The following UPF2 variants were observed in gnomAD, a reference collection of about 807,000 sequenced individuals.
UPF2 encodes the protein UPF2 regulator of nonsense mediated mRNA decay.
Under a neutral mutation model 141.4 loss-of-function variants are expected in UPF2, and 17 were observed. That is an observed-to-expected ratio of 0.12 (90% CI 0.08 to 0.18). The LOEUF is 0.18. Among genes scored for constraint, UPF2 ranks in the 10% least tolerant of loss-of-function variants. UPF2 has a pLI of 1.00. For synonymous variants in UPF2, 540 were observed against 498.0 expected (o/e 1.08, Z -1.12); for missense variants, 1,152 against 1,515.9 (o/e 0.76, Z 3.99).
At chr10:11,964,149 A>G (rs1353720483) in intron 10 of UPF2, 24 bp from the exon 11 acceptor site, 2 of 1,551,174 alleles carry the variant, frequency 1.3e-6, no homozygotes, top group African/African-American at 2.7e-5. Context: ...AATGATGAAA[A>G]CTACAAAGGC....
chr10:12,034,798 C>T (rs894204973), intron 2 of UPF2, among the ~76,000 whole-genome samples: 6 of 152,024 alleles, frequency 3.9e-5, no homozygotes, highest in East Asian at 1.9e-4. Context: ...GAGCAAAATT[C>T]CGTCTCAAAA....
intron 16 of UPF2, among the ~76,000 whole-genome samples, chr10:11,948,155 G>A (rs980625347): frequency 6.7e-6 from 1 of 149,830 alleles, no homozygotes; most frequent in Admixed American, 6.8e-5. Flanking sequence ...GGCTGAGGCA[G>A]GAGAATCACT....
At chr10:11,995,039 A>G (rs1833844343) in intron 8 of UPF2, among the ~76,000 whole-genome samples, 1 of 150,802 alleles carries the variant, frequency 6.6e-6, no homozygotes, top group Non-Finnish European at 1.5e-5. Flanking sequence ...GGAGACAGGA[A>G]GCAAACCAAC....
intron 2 of UPF2, among the ~76,000 whole-genome samples, chr10:12,032,506 T>A (rs1037420614): frequency 1.3e-5 from 2 of 151,600 alleles, no homozygotes; most frequent in African/African-American, 4.8e-5. Context: ...TTTGCATATA[T>A]CTGAAATTTT....
chr10:11,948,553 C>A, intron 15 of UPF2, 45 bp from the exon 16 acceptor site: 1 of 1,598,856 alleles, frequency 6.3e-7, no homozygotes. Context: ...TAAAAATAGA[C>A]ACAGGCTAGT....
Position 11,965,662 on chromosome 10 carries a change from T to C in UPF2, c.2068-1537A>G, listed in dbSNP as rs371403439. 2.6e-5 allele frequency among the ~76,000 whole-genome samples: 4 copies of C among 152,118 alleles called. No homozygotes were observed. In the East Asian group the frequency reaches 5.8e-4, roughly 22 times the overall value. The stretch of plus-strand genomic sequence containing the variant: ...GTTTAGTAGAAACGGCGTTTCACCG[T>C]GTTAGCCAGGATGGTCTCGATCTCC... On this transcript the variant is annotated intron_variant, in intron 10 of 21. Coordinates refer to ENST00000357604, the MANE Select transcript of UPF2 (RefSeq NM_015542.4).
rs1165091334 is a variant in UPF2 at position 12,029,179 on chromosome 10, G to A, written c.711C>T (p.Ala237=). 3 of 1,614,168 alleles carry A rather than the reference G, an allele frequency of 1.9e-6. No homozygotes were observed. The highest frequency in any genetic ancestry group is 1.7e-5 in the Admixed American group (1 of 60,008). ...SLFHQRYADF[A]PSLLQVWKKH... ...TTTTCCAGACCTGAAGAAGTGATGG[G>A]GCAAAGTCAGCATAACGCTGGTGAA... Residue 237 remains alanine, a synonymous_variant, in exon 3 of 22, where the codon GCC becomes GCT. Transcript: ENST00000357604.
Position 12,029,012 on chromosome 10 carries a change from T to A in UPF2, c.878A>T (p.Asn293Ile). 1.9e-6 allele frequency: 3 copies of A among 1,614,132 alleles called. No individual in the cohort carries two copies. The highest frequency in any genetic ancestry group is 2.5e-6 in the Non-Finnish European group (3 of 1,180,010). The change falls in exon 3 of 22, where the codon AAT (asparagine) becomes ATT (isoleucine). Residue 293 changes from asparagine (N) to isoleucine (I), a missense_variant. Physicochemically the swap from Asn to Ile is moderately radical, Grantham distance 149. Transcript: ENST00000357604. ...GLSLIYEQLK[N>I]IINADRESHT... ...GGACTCCCGATCAGCATTAATAATA[T>A]TTTTTAGCTGTTCATAGATTAAGGA...
intron 3 of UPF2, among the ~76,000 whole-genome samples, chr10:12,017,250 AT>A (rs1174065550): frequency 6.6e-6 from 1 of 152,188 alleles, no homozygotes; most frequent in Non-Finnish European, 1.5e-5. Flanking sequence ...AAATCGGAAA[AT>A]ATATCTCAGA....
rs1230080718 is a variant in UPF2 at position 12,031,173 on chromosome 10, C to CAAAA, written c.366-1653_366-1650dup. On this transcript the variant is annotated intron_variant, in intron 2 of 21. Coordinates refer to ENST00000357604, the MANE Select transcript of UPF2 (RefSeq NM_015542.4). ...TGGGCGAAAGAGCAAGACTCCATCT[C>CAAAA]AAAAAAAAAAAAAAAAACAAAACAG... Among the ~76,000 whole-genome samples, 8 of 29,862 alleles carry CAAAA rather than the reference C, an allele frequency of 2.7e-4. 1 individual carries two copies. The highest frequency in any genetic ancestry group is 3.9e-4 in the Non-Finnish European group (5 of 12,840). 19.6% of individuals were successfully genotyped at this position (29,862 alleles called of 152,430 possible).
chr10:12,028,662 T>C, intron 3 of UPF2, 83 bp downstream of exon 3: 3 of 1,413,416 alleles, frequency 2.1e-6, no homozygotes, highest in Non-Finnish European at 2.8e-6. Flanking sequence ...CCATAAGTTC[T>C]TTCAGTGGCA....
chr10:11,971,529 G>A (rs543110399), intron 9 of UPF2, among the ~76,000 whole-genome samples: 11 of 152,200 alleles, frequency 7.2e-5, no homozygotes, highest in African/African-American at 2.4e-4. Flanking sequence ...TGGGATTACA[G>A]GCGTGAGCCA....
At chr10:12,018,304 C>T (rs1393904310) in intron 3 of UPF2, among the ~76,000 whole-genome samples, 1 of 152,036 alleles carries the variant, frequency 6.6e-6, no homozygotes, top group Non-Finnish European at 1.5e-5. Context: ...AAAAATTGGC[C>T]AGGTGCTATG....
Position 12,014,132 on chromosome 10 carries a change from C to T in UPF2, c.1198G>A (p.Glu400Lys), listed in dbSNP as rs1446533125. ...TTCTGGTAAGACATAGCAAATTCCTCATACTGTTTATGTCTATCTTCACTG... is the reference window on the plus strand; with the variant it reads ...TTCTGGTAAGACATAGCAAATTCCTTATACTGTTTATGTCTATCTTCACTG... ...ELSEDRHKQY[E>K]EFAMSYQKLL... is the part of the protein sequence containing the mutation. Residue 400 changes from glutamate to lysine, a missense_variant, in exon 4 of 22, where the codon GAG becomes AAG. Physicochemically the swap from Glu to Lys is moderately conservative, Grantham distance 56 (BLOSUM62 1). Transcript: ENST00000357604. The surrounding 1 kb of genome is among the most constrained non-coding windows in gnomAD (Gnocchi z 5.0). 1 of 1,582,328 alleles carries T rather than the reference C, an allele frequency of 6.3e-7. No homozygotes were observed. Among genetic ancestry groups the T allele is most frequent in the East Asian group, 2.3e-5 (1 of 42,986 alleles).
chr10:11,926,873 G>C (rs1320981152), intron 21 of UPF2, among the ~76,000 whole-genome samples: 1 of 152,128 alleles, frequency 6.6e-6, no homozygotes, highest in Non-Finnish European at 1.5e-5. Flanking sequence ...GAAAGTGAAG[G>C]AACTCTGCAA....
intron 3 of UPF2, among the ~76,000 whole-genome samples, chr10:12,020,244 A>T (rs1023342965): frequency 6.6e-6 from 1 of 151,106 alleles, no homozygotes; most frequent in Admixed American, 6.6e-5. Context: ...CTAAAAAATA[A>T]ATTTTATTTT....
At position 11,920,913 on chromosome 10, in the gene UPF2, CTCAAGT is replaced by C. The variant is rs1832633125; in HGVS notation, c.*379_*384del. 4 of 448,070 alleles carry C rather than the reference CTCAAGT, an allele frequency of 8.9e-6. No individual in the cohort carries two copies. The highest frequency in any genetic ancestry group is 1.4e-5 in the Non-Finnish European group (3 of 217,974). 27.8% of individuals were successfully genotyped at this position (448,070 alleles called of 1,614,324 possible). On this transcript the variant is annotated 3_prime_UTR_variant, in exon 22 of 22. Transcript: ENST00000357604. ...ACTGAAACTCAAATCAAGTTTAAAG[CTCAAGT>C]TCATTTCCCCCACACCATTACCATC... is the stretch of plus-strand genomic sequence containing the variant.
chr10:12,009,691 C>G (rs1409074399), intron 4 of UPF2, among the ~76,000 whole-genome samples: 1 of 152,194 alleles, frequency 6.6e-6, no homozygotes, highest in Non-Finnish European at 1.5e-5. Context: ...AGAAGCCAGG[C>G]AGTCTCCCTG....
At chr10:11,957,358 G>A (rs1426123148) in intron 12 of UPF2, among the ~76,000 whole-genome samples, 2 of 151,816 alleles carry the variant, frequency 1.3e-5, no homozygotes. Context: ...GAACCCGGGA[G>A]GCAGAGGTTG....
Sources: allele counts gnomAD v4.1 joint callset (sites outside exome capture counted in the v4.1 genomes callset), GRCh38; gene constraint gnomAD v4.1.1; non-coding constraint Gnocchi (gnomAD v3.1); transcripts MANE v1.5; gene names NCBI Gene and HGNC (gene_info 2026-07-23, HGNC 2026-07-21).